The following SEC23A variants were observed in gnomAD, a reference collection of about 807,000 sequenced individuals.
SEC23A encodes SEC23 homolog A, COPII component.
A neutral mutation model predicts 103.7 loss-of-function variants in SEC23A; 56 were observed. That is an observed-to-expected ratio of 0.54 (90% confidence interval 0.44 to 0.67). The LOEUF (loss-of-function observed/expected upper bound fraction) is 0.67, where lower values mean the gene tolerates loss of function less well. Ranked by LOEUF, SEC23A falls within the 30% of genes least tolerant of loss-of-function variation. The pLI is 0.00. For synonymous variants in SEC23A, 281 were observed against 293.0 expected (o/e 0.96, Z 0.42); for missense variants, 784 against 936.4 (o/e 0.84, Z 2.12).
In SEC23A at chr14:39,053,264, A is replaced by G. The variant is rs566168784; in HGVS notation, c.1659+1879T>C. Among the ~76,000 whole-genome samples, 9 of 152,352 alleles carry G rather than the reference A, an allele frequency of 5.9e-5. No individual in the cohort carries two copies. In the South Asian group the frequency reaches 1.9e-3, roughly 32 times the overall value. ...TGTGTATAATAAGCTGAAAAATAAC[A>G]GATTCTCTACAGATTGACGAGTTAA... On this transcript the variant is annotated intron_variant, in intron 14 of 19. Coordinates refer to ENST00000307712, the MANE Select transcript of SEC23A (RefSeq NM_006364.4).
At position 39,057,860 on chromosome 14, in the gene SEC23A, G is replaced by A. The variant is rs1886301253; in HGVS notation, c.1506-2564C>T. Reference sequence around the variant, plus strand: ...TATTCCACTGGAAAATGAATAAAGTGTCGGAAGTTTCTCATTGGTCTTTCA... The same window carrying A: ...TATTCCACTGGAAAATGAATAAAGTATCGGAAGTTTCTCATTGGTCTTTCA... On this transcript the variant is annotated intron_variant, in intron 13 of 19. Coordinates refer to ENST00000307712, the MANE Select transcript of SEC23A (RefSeq NM_006364.4). Among the ~76,000 whole-genome samples the A allele has an allele frequency of 2.0e-5, 3 of 152,190 alleles. 1 individual carries two copies. The South Asian group carries it at 6.2e-4, about 31-fold the overall frequency.
intron 14 of SEC23A, among the ~76,000 whole-genome samples, chr14:39,049,775 G>C (rs909561157): frequency 7.0e-6 from 1 of 143,518 alleles, no homozygotes; most frequent in Admixed American, 7.1e-5. Context: ...GCGAGATTCT[G>C]TCTCGAAAAA....
intron 15 of SEC23A, chr14:39,047,336 C>T (rs1885873905): frequency 6.5e-6 from 8 of 1,230,274 alleles, no homozygotes; most frequent in Non-Finnish European, 7.4e-6. Context: ...GTTTCTGCTA[C>T]AAAAATGACA....
intron 9 of SEC23A, among the ~76,000 whole-genome samples, chr14:39,071,803 G>A (rs1886848438): frequency 6.6e-6 from 1 of 152,096 alleles, no homozygotes; most frequent in Non-Finnish European, 1.5e-5. Flanking sequence ...GGAAGAAGTT[G>A]CAGTGAACCG....
At chr14:39,038,932 C>A in intron 19 of SEC23A, 99 bp downstream of exon 19, 1 of 1,032,688 alleles carries the variant, frequency 9.7e-7, no homozygotes, top group Non-Finnish European at 1.5e-6. Flanking sequence ...CCAACAGAAA[C>A]CATTACTAAA....
intron 13 of SEC23A, among the ~76,000 whole-genome samples, chr14:39,060,394 A>C (rs116026717): frequency 6.6e-6 from 1 of 152,310 alleles, no homozygotes; most frequent in African/African-American, 2.4e-5. Context: ...ATCACTCAAC[A>C]AAAGTCTTAA....
intron 9 of SEC23A, among the ~76,000 whole-genome samples, chr14:39,071,728 G>T (rs559858810): frequency 6.6e-6 from 1 of 151,682 alleles, no homozygotes; most frequent in Non-Finnish European, 1.5e-5. Flanking sequence ...TTAGTTGGGC[G>T]TGGTGGCAGG....
intron 9 of SEC23A, among the ~76,000 whole-genome samples, chr14:39,073,719 C>A (rs576366109): frequency 6.7e-6 from 1 of 148,248 alleles, no homozygotes; most frequent in Admixed American, 6.9e-5. Context: ...AAGCAATTCT[C>A]CTGCCTCAGC....
intron 19 of SEC23A, among the ~76,000 whole-genome samples, chr14:39,038,672 A>G (rs1011464705): frequency 3.3e-5 from 5 of 152,184 alleles, no homozygotes; most frequent in African/African-American, 1.2e-4. Flanking sequence ...AACTATATCA[A>G]TAATGATTTG....
chr14:39,045,082 G>T (rs1018530330), intron 16 of SEC23A, 81 bp downstream of exon 16: 14 of 1,151,532 alleles, frequency 1.2e-5, no homozygotes, highest in Non-Finnish European at 1.8e-5. Context: ...GTAACTATAT[G>T]CATTTTTTTA....
Position 39,084,819 on chromosome 14 carries a change from C to T in SEC23A, c.828+943G>A, listed in dbSNP as rs201282428. Among the ~76,000 whole-genome samples the T allele has an allele frequency of 9.9e-5, 15 of 152,196 alleles. 1 individual carries two copies. The East Asian group carries it at 2.3e-3, about 24-fold the overall frequency. On this transcript the variant is annotated intron_variant, in intron 7 of 19. Coordinates refer to ENST00000307712, the MANE Select transcript of SEC23A (RefSeq NM_006364.4). ...CCAAGTAGCTGGGAGTACAGGCGCC[C>T]GCCACCACGCCTGGCTAATTTTTGT...
chr14:39,063,727 T>C (rs1594456422), intron 11 of SEC23A, among the ~76,000 whole-genome samples: 1 of 152,194 alleles, frequency 6.6e-6, no homozygotes, highest in Admixed American at 6.5e-5. Context: ...CCAGGGGCGG[T>C]GGCTCCCACC....
At chr14:39,049,496 G>A (rs990197412) in intron 14 of SEC23A, among the ~76,000 whole-genome samples, 2 of 150,174 alleles carry the variant, frequency 1.3e-5, no homozygotes, top group Admixed American at 6.7e-5. Flanking sequence ...AAAAATTTGA[G>A]CCAAGTGTGC....
intron 1 of SEC23A, among the ~76,000 whole-genome samples, chr14:39,102,017 A>G (rs1888114965): frequency 6.6e-6 from 1 of 152,196 alleles, no homozygotes; most frequent in Admixed American, 6.5e-5. Context: ...GGATCACCTG[A>G]GGTCAGGAGT....
chr14:39,081,871 A>G (rs922544793), intron 7 of SEC23A, among the ~76,000 whole-genome samples: 1 of 152,186 alleles, frequency 6.6e-6, no homozygotes, highest in Non-Finnish European at 1.5e-5. Flanking sequence ...ATATGCACAT[A>G]CATCTTCTTC....
chr14:39,062,624 T>C (rs1566493631), intron 12 of SEC23A, among the ~76,000 whole-genome samples: 1 of 152,192 alleles, frequency 6.6e-6, no homozygotes, highest in Non-Finnish European at 1.5e-5. Context: ...AGGAAAACTT[T>C]ATTCCTGCAT....
intron 8 of SEC23A, among the ~76,000 whole-genome samples, chr14:39,075,637 C>G (rs1886986687): frequency 6.6e-6 from 1 of 152,122 alleles, no homozygotes; most frequent in South Asian, 2.1e-4. Flanking sequence ...AACAACTTTT[C>G]CTAAACAGAA....
In SEC23A at chr14:39,073,357, C is replaced by T. The variant is rs571398050; in HGVS notation, c.1103+1058G>A. ...CCAGGCTGGAGTGCAGTGGCACAAT[C>T]TTCTTGGCTCACTGAAACCTCCACC... On this transcript the variant is annotated intron_variant, in intron 9 of 19. Coordinates refer to ENST00000307712, the MANE Select transcript of SEC23A (RefSeq NM_006364.4). Among the ~76,000 whole-genome samples the T allele has an allele frequency of 3.3e-5, 5 of 152,204 alleles. No individual in the cohort carries two copies. The South Asian group carries it at 1.0e-3, about 32-fold the overall frequency.
rs1235672278 is a variant in SEC23A, at chr14:39,094,301, C to G, written c.222-1057G>C. ...ATATACACATATATATGCATATATA[C>G]ACATATACATATATATGCATATATA... On this transcript the variant is annotated intron_variant, in intron 2 of 19. Transcript: ENST00000307712. Among the ~76,000 whole-genome samples the G allele has an allele frequency of 3.0e-4, 32 of 107,004 alleles. No homozygotes were observed. The South Asian group carries it at 3.7e-3, about 12-fold the overall frequency. 70.2% of individuals were successfully genotyped at this position (107,004 alleles called of 152,430 possible).
Sources: allele counts gnomAD v4.1 joint callset (sites outside exome capture counted in the v4.1 genomes callset), GRCh38; gene constraint gnomAD v4.1.1; transcripts MANE v1.5; gene names NCBI Gene and HGNC (gene_info 2026-07-23, HGNC 2026-07-21).